NCKAP5: variants seen among roughly 807,000 people sequenced by gnomAD.
The protein encoded by NCKAP5 is NCK associated protein 5.
A neutral mutation model predicts 167.0 loss-of-function variants in NCKAP5; 92 were observed. That is an observed-to-expected ratio of 0.55 (90% CI 0.47 to 0.66). The LOEUF is 0.66. Among genes scored for constraint, NCKAP5 ranks in the 30% least tolerant of loss-of-function variants. NCKAP5 has a pLI of 0.00. For missense variants in NCKAP5, 2,378 were observed against 2,315.0 expected, an observed-to-expected ratio of 1.03 and a Z score of -0.56; for synonymous variants, 891 against 877.4, an observed-to-expected ratio of 1.02 and a Z score of -0.27.
At chr2:133,572,034 C>A (rs1187243689), upstream of NCKAP5, among the ~76,000 whole-genome samples, 1 of 151,550 alleles carries the variant, frequency 6.6e-6, no homozygotes, top group Non-Finnish European at 1.5e-5. Context: ...CTATTATCTT[C>A]ACTCACCTTT....
intron 11 of NCKAP5, among the ~76,000 whole-genome samples, chr2:132,859,738 C>A (rs1478956700): frequency 5.3e-5 from 8 of 152,118 alleles, no homozygotes; most frequent in Admixed American, 5.2e-4. Context: ...CTCAGAAGGG[C>A]TTGGGGGCAA....
chr2:133,411,075 T>G (rs1329647946), intron 3 of NCKAP5, among the ~76,000 whole-genome samples: 1 of 152,232 alleles, frequency 6.6e-6, no homozygotes, highest in African/African-American at 2.4e-5. Context: ...CTGTGGGGCC[T>G]TGGAAAAGTT....
At chr2:133,449,343 G>A (rs1300317013) in intron 3 of NCKAP5, among the ~76,000 whole-genome samples, 1 of 152,108 alleles carries the variant, frequency 6.6e-6, no homozygotes, top group Admixed American at 6.5e-5. Flanking sequence ...AAACGATTTA[G>A]AGCTCTTGTA....
At chr2:133,162,429 T>C (rs527934377) in intron 5 of NCKAP5, among the ~76,000 whole-genome samples, 11 of 152,318 alleles carry the variant, frequency 7.2e-5, no homozygotes, top group East Asian at 5.8e-4. Context: ...CTATGGAAAG[T>C]AGAAGTATAA....
At chr2:133,279,553 A>G (rs2089863638) in intron 4 of NCKAP5, among the ~76,000 whole-genome samples, 1 of 152,186 alleles carries the variant, frequency 6.6e-6, no homozygotes, top group Admixed American at 6.5e-5. Context: ...CACAGTTGTT[A>G]CTAAGTTTCT....
intron 6 of NCKAP5, chr2:133,117,180 A>T (rs1228495433): frequency 6.6e-6 from 1 of 152,244 alleles, no homozygotes; most frequent in Non-Finnish European, 1.5e-5. Flanking sequence ...TCTAAAAGGA[A>T]GGGATGCTTA....
At chr2:132,804,114 A>G (rs2105220604) in intron 11 of NCKAP5, among the ~76,000 whole-genome samples, 1 of 152,300 alleles carries the variant, frequency 6.6e-6, no homozygotes, top group East Asian at 1.9e-4. Flanking sequence ...TTTCAGACCT[A>G]ACAGCAAAGT....
At chr2:132,837,974 C>G (rs1043363403) in intron 11 of NCKAP5, among the ~76,000 whole-genome samples, 2 of 152,162 alleles carry the variant, frequency 1.3e-5, no homozygotes, top group Non-Finnish European at 2.9e-5. Context: ...GGAGGGGCCC[C>G]CTACAGGGCA....
chr2:132,676,279 T>C (rs1684455712), intron 19 of NCKAP5, among the ~76,000 whole-genome samples: 1 of 149,416 alleles, frequency 6.7e-6, no homozygotes, highest in Admixed American at 6.8e-5. Context: ...GATGTTGTTT[T>C]ATCCTTTTTT....
intron 4 of NCKAP5, among the ~76,000 whole-genome samples, chr2:133,220,819 G>C (rs1036125299): frequency 6.6e-6 from 1 of 152,124 alleles, no homozygotes; most frequent in African/African-American, 2.4e-5. Context: ...TGCCTGTTGG[G>C]AGACAAATCA....
At chr2:132,740,363 G>C (rs1445183188) in intron 16 of NCKAP5, among the ~76,000 whole-genome samples, 2 of 152,116 alleles carry the variant, frequency 1.3e-5, no homozygotes, top group East Asian at 3.9e-4. Flanking sequence ...AGCTACATGT[G>C]GTATTGGCAG....
intron 3 of NCKAP5, among the ~76,000 whole-genome samples, chr2:133,319,736 G>A (rs1208142725): frequency 6.6e-6 from 1 of 152,146 alleles, no homozygotes; most frequent in Non-Finnish European, 1.5e-5. Context: ...AATCAATTTA[G>A]GAAGGCAATT....
chr2:132,738,484 T>C (rs1361775024), intron 16 of NCKAP5, among the ~76,000 whole-genome samples: 2 of 152,208 alleles, frequency 1.3e-5, no homozygotes, highest in African/African-American at 4.8e-5. Flanking sequence ...ACTAAGTTCT[T>C]ACTAAAGAGT....
chr2:133,117,140 G>A (rs895553542), intron 6 of NCKAP5: 2 of 152,108 alleles, frequency 1.3e-5, no homozygotes, highest in African/African-American at 2.4e-5. Context: ...ACTGTTTTAA[G>A]AATTAAATTA....
At chr2:133,599,584 C>T in the NCKAP5 span, among the ~76,000 whole-genome samples, 2 of 152,256 alleles carry the variant, frequency 1.3e-5, no homozygotes, top group Non-Finnish European at 2.9e-5. Flanking sequence ...ATAATGCATA[C>T]ATTATCATGC....
chr2:133,552,375 G>C (rs1285988821), intron 2 of NCKAP5, among the ~76,000 whole-genome samples: 1 of 131,732 alleles, frequency 7.6e-6, no homozygotes, highest in African/African-American at 2.9e-5. Context: ...ACTGGATTAA[G>C]AAAATGTGGC....
In NCKAP5 at chr2:133,224,190, A is replaced by C. The variant is rs143793729; in HGVS notation, c.144-10411T>G. 2.6e-5 allele frequency among the ~76,000 whole-genome samples: 4 copies of C among 152,274 alleles called. No homozygotes were observed. The East Asian group carries it at 7.7e-4, about 29-fold the overall frequency. ...CATTCATTCGTTCATTTATCCATCC[A>C]TACAGTCACTCATGCAGTCCATGAA... On this transcript the variant is annotated intron_variant, in intron 4 of 19. Transcript: ENST00000409261.
chr2:133,292,420 T>C (rs1679666029), intron 4 of NCKAP5, among the ~76,000 whole-genome samples: 1 of 152,208 alleles, frequency 6.6e-6, no homozygotes, highest in Admixed American at 6.5e-5. Context: ...GTTTTTCTTC[T>C]TTCAACTTAG....
intron 5 of NCKAP5, among the ~76,000 whole-genome samples, chr2:133,209,755 A>G (rs2086122982): frequency 6.6e-6 from 1 of 152,170 alleles, no homozygotes; most frequent in Non-Finnish European, 1.5e-5. Flanking sequence ...TAGTTTTGAC[A>G]ATTACATCAT....
Sources: gnomAD v4.1 joint callset for allele counts (sites outside exome capture counted in the v4.1 genomes callset) on GRCh38, gnomAD v4.1.1 for gene constraint, MANE v1.5 for transcripts, NCBI Gene and HGNC (gene_info 2026-07-23, HGNC 2026-07-21) for gene names.